Variants in EPHA6 observed in about 807,000 individuals in gnomAD.
EPHA6 encodes ephrin type-A receptor 6.
A neutral mutation model predicts 112.0 loss-of-function variants in EPHA6; 50 were observed. That is an observed-to-expected ratio of 0.45 (90% CI 0.36 to 0.56). The LOEUF (loss-of-function observed/expected upper bound fraction) is 0.56, where lower values mean the gene tolerates loss of function less well. Among genes scored for constraint, EPHA6 ranks in the 20% least tolerant of loss-of-function variants. The pLI is 0.00. For missense variants in EPHA6, 1,280 were observed against 1,417.4 expected, an observed-to-expected ratio of 0.90 and a Z score of 1.56; for synonymous variants, 529 against 490.7, an observed-to-expected ratio of 1.08 and a Z score of -1.03.
At chr3:97,671,083 T>G (rs967745999) in intron 14 of EPHA6, among the ~76,000 whole-genome samples, 1 of 152,186 alleles carries the variant, frequency 6.6e-6, no homozygotes, top group Non-Finnish European at 1.5e-5. Flanking sequence ...CGTATTTTAG[T>G]GTATCTCCTA....
chr3:97,395,840 G>A (rs1405844159), intron 5 of EPHA6, among the ~76,000 whole-genome samples: 1 of 151,510 alleles, frequency 6.6e-6, no homozygotes, highest in Non-Finnish European at 1.5e-5. Flanking sequence ...AAGGAAGGCA[G>A]GGGCATCTTA....
intron 7 of EPHA6, among the ~76,000 whole-genome samples, chr3:97,454,557 G>A (rs2090622972): frequency 6.6e-6 from 1 of 151,714 alleles, no homozygotes; most frequent in African/African-American, 2.4e-5. Flanking sequence ...TTTATTTTGG[G>A]TAACAAGCTA....
chr3:97,138,054 G>A (rs938250083), intron 3 of EPHA6, among the ~76,000 whole-genome samples: 1 of 152,102 alleles, frequency 6.6e-6, no homozygotes, highest in African/African-American at 2.4e-5. Flanking sequence ...GGGATGAAAA[G>A]GGAGGAAGCA....
chr3:97,294,179 G>A (rs544210031), intron 5 of EPHA6, among the ~76,000 whole-genome samples: 23 of 152,282 alleles, frequency 1.5e-4, no homozygotes, highest in African/African-American at 4.8e-4. Flanking sequence ...GGGAGCGCAG[G>A]GCTCCTGCTG....
intron 14 of EPHA6, among the ~76,000 whole-genome samples, chr3:97,689,264 C>T (rs1027710669): frequency 2.0e-5 from 3 of 152,206 alleles, no homozygotes; most frequent in Non-Finnish European, 4.4e-5. Context: ...ATTCAAACAT[C>T]TGTGATGTTC....
rs919828161 is a variant in EPHA6, at chr3:97,061,450, T to C, written c.1114+73457T>C. On this transcript the variant is annotated intron_variant, in intron 3 of 17. Coordinates refer to ENST00000389672, the MANE Select transcript of EPHA6 (RefSeq NM_001080448.3). ...GCCCAGAGCCTTTTTCCTCTTGTTC[T>C]TGTACCTCAAGTAGATGTTGATCAG... Among the ~76,000 whole-genome samples the C allele has an allele frequency of 7.2e-5, 11 of 152,314 alleles. No individual in the cohort carries two copies. In the East Asian group the frequency reaches 2.1e-3, roughly 29 times the overall value.
chr3:97,579,562 A>G (rs756356514), intron 11 of EPHA6, among the ~76,000 whole-genome samples: 19 of 152,110 alleles, frequency 1.2e-4, no homozygotes, highest in Non-Finnish European at 2.4e-4. Flanking sequence ...CTCATTCTCC[A>G]TTGACCCTAC....
chr3:97,614,501 A>ATTTTTTTTT (rs35126699), intron 13 of EPHA6, among the ~76,000 whole-genome samples: 378 of 98,128 alleles, frequency 3.9e-3, no homozygotes, highest in Non-Finnish European at 5.2e-3. Context: ...CACCCAGCTA[A>ATTTTTTTTT]TTTTTTTTTT....
At chr3:96,871,429 A>T (rs1559788737) in intron 2 of EPHA6, among the ~76,000 whole-genome samples, 1 of 152,176 alleles carries the variant, frequency 6.6e-6, no homozygotes, top group East Asian at 1.9e-4. Flanking sequence ...AATATTTTAA[A>T]GAAATGAAAA....
chr3:96,991,892 A>G (rs1222367592), intron 3 of EPHA6, among the ~76,000 whole-genome samples: 2 of 152,172 alleles, frequency 1.3e-5, no homozygotes, highest in Non-Finnish European at 2.9e-5. Flanking sequence ...GGCAGGGAAC[A>G]CAACAGTCAC....
At position 97,532,454 on chromosome 3, in the gene EPHA6, G is replaced by C. The variant is rs751817193; in HGVS notation, c.2297G>C (p.Arg766Pro). The C allele has an allele frequency of 6.0e-5, 97 of 1,612,438 alleles. No homozygotes were observed. The East Asian group carries it at 2.1e-3, about 36-fold the overall frequency. Residue 766 changes from arginine (R) to proline (P), a missense_variant, in exon 11 of 18, where the codon CGG (arginine) becomes CCG (proline). Around this residue, in one of 4 missense-constraint regions of EPHA6, gnomAD observed 878 missense variants for 999.7 expected, o/e 0.88. Coordinates refer to ENST00000389672, the MANE Select transcript of EPHA6 (RefSeq NM_001080448.3). ...IKTLKGGHMD[R>P]QRRDFLREAS... ...ACTTTGAAAGGTGGCCACATGGATC[G>C]GCAAAGAAGAGATTTTCTAAGAGAA...
chr3:96,854,274 G>A (rs2035565946), intron 1 of EPHA6, among the ~76,000 whole-genome samples: 1 of 150,570 alleles, frequency 6.6e-6, no homozygotes, highest in African/African-American at 2.4e-5. Flanking sequence ...CTGCCTCCTG[G>A]ATTCAAGTGA....
At chr3:97,218,530 A>G (rs1460902236) in intron 3 of EPHA6, among the ~76,000 whole-genome samples, 1 of 152,158 alleles carries the variant, frequency 6.6e-6, no homozygotes, top group Non-Finnish European at 1.5e-5. Context: ...TAAAACTATC[A>G]GATCTTGTAA....
At chr3:97,279,318 C>A (rs376944131) in intron 5 of EPHA6, among the ~76,000 whole-genome samples, 1 of 151,992 alleles carries the variant, frequency 6.6e-6, no homozygotes, top group South Asian at 2.1e-4. Flanking sequence ...AAATAAATTA[C>A]AACCCACCCA....
intron 2 of EPHA6, among the ~76,000 whole-genome samples, chr3:96,956,811 G>T (rs888042524): frequency 6.6e-6 from 1 of 152,084 alleles, no homozygotes; most frequent in East Asian, 1.9e-4. Context: ...GAGGCGGGTG[G>T]ATCACGAGGT....
chr3:97,501,299 A>G (rs567276339), intron 10 of EPHA6, among the ~76,000 whole-genome samples: 51 of 151,524 alleles, frequency 3.4e-4, no homozygotes, highest in Admixed American at 7.9e-4. Context: ...GAAGATCTGA[A>G]TGATACAATT....
rs376673097 is a variant in EPHA6, at chr3:97,753,026, T to G, written c.*4325T>G. 7.2e-5 allele frequency among the ~76,000 whole-genome samples: 11 copies of G among 152,166 alleles called. No individual in the cohort carries two copies. Among genetic ancestry groups the G allele is most frequent in the African/African-American group, 2.7e-4 (11 of 41,452 alleles). On this transcript the variant is annotated 3_prime_UTR_variant, in exon 18 of 18. Transcript: ENST00000389672. ...GACTCCAAAAGGTAGAGGAGTACAC[T>G]GGGTTAAATGGATGGTATTCTTCCA...
chr3:96,927,730 A>T (rs979652682), intron 2 of EPHA6, among the ~76,000 whole-genome samples: 1 of 152,112 alleles, frequency 6.6e-6, no homozygotes, highest in Non-Finnish European at 1.5e-5. Context: ...ATTTTCCCTC[A>T]TCTCCCTGTT....
At chr3:97,236,547 T>C (rs1228836476) in intron 4 of EPHA6, among the ~76,000 whole-genome samples, 1 of 152,084 alleles carries the variant, frequency 6.6e-6, no homozygotes, top group Non-Finnish European at 1.5e-5. Flanking sequence ...TACACATGGG[T>C]AAATTCTAAT....
Sources: allele counts gnomAD v4.1 joint callset (sites outside exome capture counted in the v4.1 genomes callset), GRCh38; gene constraint gnomAD v4.1.1; regional missense constraint gnomAD v4.1.1; transcripts MANE v1.5; gene names NCBI Gene and HGNC (gene_info 2026-07-23, HGNC 2026-07-21).